The following RHOBTB1 variants were observed in gnomAD, a reference collection of about 807,000 sequenced individuals.
RHOBTB1 encodes the protein Rho related BTB domain containing 1.
Under a neutral mutation model 71.6 loss-of-function variants are expected in RHOBTB1, and 40 were observed. The ratio of observed to expected loss-of-function variants is 0.56; its 90% CI spans 0.43 to 0.73. RHOBTB1 has a LOEUF of 0.73. Among genes scored for constraint, RHOBTB1 ranks in the 30% least tolerant of loss-of-function variants. The pLI, the probability that RHOBTB1 is intolerant of heterozygous loss-of-function variation, is 0.00. For synonymous variants in RHOBTB1, 319 were observed against 334.9 expected, an observed-to-expected ratio of 0.95 and a Z score of 0.52; for missense variants, 797 against 894.0, an observed-to-expected ratio of 0.89 and a Z score of 1.38.
rs1286150407 is a variant in RHOBTB1, at chr10:60,870,841, T to C, written c.*641A>G. On this transcript the variant is annotated 3_prime_UTR_variant, in exon 11 of 11. Transcript: ENST00000337910. ...TTACATGGCACATATAACCATATAA[T>C]TACCAGCACTTAACATGGCAAATAT... is the stretch of plus-strand genomic sequence containing the variant. 6.5e-6 allele frequency: 1 copy of C among 152,686 alleles called. No homozygotes were observed. Among genetic ancestry groups the C allele is most frequent in the Non-Finnish European group, 1.5e-5 (1 of 68,064 alleles). The allele number at this position is 152,686 out of a possible 1,614,324, so 9.5% of individuals were successfully genotyped here.
At chr10:60,889,506 A>G (rs933269870) in intron 5 of RHOBTB1, among the ~76,000 whole-genome samples, 7 of 152,206 alleles carry the variant, frequency 4.6e-5, no homozygotes, top group Non-Finnish European at 8.8e-5. Flanking sequence ...CTTAGTTTAT[A>G]TAAATAAAAT....
Position 60,911,338 on chromosome 10 carries a change from C to A in RHOBTB1, c.192+13G>T, listed in dbSNP as rs189320751. The A allele has an allele frequency of 2.9e-5, 47 of 1,600,992 alleles. No individual in the cohort carries two copies. Among genetic ancestry groups the A allele is most frequent in the Non-Finnish European group, 3.9e-5 (46 of 1,169,322 alleles). On this transcript the variant is annotated intron_variant, in intron 3 of 10. Transcript: ENST00000337910. ...GTGCCCTAGGGATGCTGAAGACACTCTGTGCATCTTACCTCCTGGCACACG... is the reference window on the plus strand; with the variant it reads ...GTGCCCTAGGGATGCTGAAGACACTATGTGCATCTTACCTCCTGGCACACG...
At chr10:60,964,080 C>T (rs2085875368) in intron 2 of RHOBTB1, among the ~76,000 whole-genome samples, 2 of 152,126 alleles carry the variant, frequency 1.3e-5, no homozygotes. Flanking sequence ...TGTGTTAAGG[C>T]AGGCAATACA....
At chr10:60,968,397 C>A (rs2086044062) in intron 2 of RHOBTB1, among the ~76,000 whole-genome samples, 1 of 152,066 alleles carries the variant, frequency 6.6e-6, no homozygotes, top group South Asian at 2.1e-4. Flanking sequence ...TGTTTTAAAA[C>A]AGGAGTATGA....
intron 1 of RHOBTB1, among the ~76,000 whole-genome samples, chr10:60,991,390 C>T (rs150482451): frequency 1.3e-5 from 2 of 151,678 alleles, no homozygotes; most frequent in East Asian, 3.9e-4. Flanking sequence ...AAGCAGTTCA[C>T]TCCTCTTCTG....
At chr10:60,965,890 G>T (rs1201179435) in intron 2 of RHOBTB1, among the ~76,000 whole-genome samples, 2 of 151,922 alleles carry the variant, frequency 1.3e-5, no homozygotes, top group Non-Finnish European at 2.9e-5. Context: ...AAAATTTGAG[G>T]AAATAAAGGG....
intron 2 of RHOBTB1, among the ~76,000 whole-genome samples, chr10:60,936,486 C>T (rs778628585): frequency 1.1e-4 from 17 of 152,158 alleles, no homozygotes; most frequent in Admixed American, 8.5e-4. Context: ...AGGTCATCAC[C>T]GCCTACATCC....
chr10:60,900,094 G>A (rs867966302), intron 4 of RHOBTB1, among the ~76,000 whole-genome samples: 12 of 152,174 alleles, frequency 7.9e-5, no homozygotes, highest in African/African-American at 1.2e-4. Context: ...GAGCACAGTC[G>A]TGAGGGGAAA....
At chr10:60,907,042 A>G (rs1199924911) in intron 4 of RHOBTB1, among the ~76,000 whole-genome samples, 2 of 152,206 alleles carry the variant, frequency 1.3e-5, no homozygotes, top group African/African-American at 4.8e-5. Flanking sequence ...CATAAAGGGC[A>G]GTTCCCCTGC....
At chr10:61,000,764 A>G (rs2087234897) in intron 1 of RHOBTB1, among the ~76,000 whole-genome samples, 1 of 152,208 alleles carries the variant, frequency 6.6e-6, no homozygotes, top group Middle Eastern at 3.4e-3. Context: ...AAAATACCCC[A>G]TCTCCAGACA....
chr10:60,883,480 C>T (rs1419475350), intron 7 of RHOBTB1, among the ~76,000 whole-genome samples: 2 of 152,146 alleles, frequency 1.3e-5, no homozygotes, highest in African/African-American at 2.4e-5. Flanking sequence ...TTTGTGCCTG[C>T]GTTCCTGACC....
In RHOBTB1 at chr10:60,968,630, G is replaced by A. The variant is rs115306914; in HGVS notation, c.-62+17215C>T. On this transcript the variant is annotated intron_variant, in intron 2 of 11. Transcript: ENST00000357917. ...GAATGTGGATCTGATTTTCAAAATG[G>A]GGAGGGAGATAGTTTCTCAAAACCT... is the stretch of plus-strand genomic sequence containing the variant. 6.4e-3 allele frequency among the ~76,000 whole-genome samples: 975 copies of A among 152,202 alleles called. 6 individuals are homozygous for A. The highest frequency in any genetic ancestry group is 0.023 in the African/African-American group (944 of 41,536).
chr10:60,947,550 C>T (rs7914393), upstream of RHOBTB1, among the ~76,000 whole-genome samples: 1 of 151,850 alleles, frequency 6.6e-6, no homozygotes, highest in East Asian at 1.9e-4. Context: ...TTATATTAAT[C>T]GGAACATAAG....
chr10:60,910,664 G>A (rs2082917838), intron 4 of RHOBTB1, among the ~76,000 whole-genome samples: 1 of 152,132 alleles, frequency 6.6e-6, no homozygotes, highest in Admixed American at 6.5e-5. Context: ...CTTGACCACT[G>A]GTTGTTTTCA....
intron 2 of RHOBTB1, among the ~76,000 whole-genome samples, chr10:60,980,648 A>G (rs568262394): frequency 6.6e-6 from 1 of 152,296 alleles, no homozygotes; most frequent in Admixed American, 6.5e-5. Flanking sequence ...GAACATACGA[A>G]TGATGGGAAC....
chr10:60,969,020 A>T (rs1037589831), intron 2 of RHOBTB1, among the ~76,000 whole-genome samples: 2 of 152,146 alleles, frequency 1.3e-5, no homozygotes, highest in Non-Finnish European at 2.9e-5. Flanking sequence ...AATAGAAAGT[A>T]TAAGTATGCT....
intron 4 of RHOBTB1, among the ~76,000 whole-genome samples, chr10:60,906,608 C>A (rs149397732): frequency 6.6e-6 from 1 of 152,102 alleles, no homozygotes; most frequent in Non-Finnish European, 1.5e-5. Flanking sequence ...TTTCTCCAAC[C>A]GTGAAATGAG....
rs191576670 is a variant in RHOBTB1 at position 60,892,796 on chromosome 10, G to A, written c.482+14C>T. 9.3e-5 allele frequency: 149 copies of A among 1,607,896 alleles called. No individual in the cohort carries two copies. In the East Asian group the frequency reaches 2.8e-3, roughly 30 times the overall value. ...CTTGGTCAGGACAGGGAAACACTGA[G>A]TCCCTTGGCTTACCTTGCTAACGGG... is the stretch of plus-strand genomic sequence containing the variant. On this transcript the variant is annotated intron_variant, in intron 5 of 10. Coordinates refer to ENST00000337910, the MANE Select transcript of RHOBTB1 (RefSeq NM_014836.5).
chr10:60,985,221 T>C (rs2086622590), intron 2 of RHOBTB1, among the ~76,000 whole-genome samples: 1 of 110,970 alleles, frequency 9.0e-6, no homozygotes, highest in African/African-American at 3.1e-5. Context: ...AATAATTTTA[T>C]GGGTGGACAA....
Sources: allele counts gnomAD v4.1 joint callset (sites outside exome capture counted in the v4.1 genomes callset), GRCh38; gene constraint gnomAD v4.1.1; transcripts MANE v1.5; gene names NCBI Gene and HGNC (gene_info 2026-07-23, HGNC 2026-07-21).